Variants in RAB4A observed in about 807,000 individuals in gnomAD.
RAB4A encodes the protein RAB4A, member RAS oncogene family.
In RAB4A, 20 loss-of-function variants were observed where a neutral mutation model predicts 34.5. That is an observed-to-expected ratio of 0.58 (90% confidence interval 0.41 to 0.84). RAB4A has a LOEUF of 0.84. Among genes scored for constraint, RAB4A ranks in the 40% least tolerant of loss-of-function variants. The pLI is 0.00. For synonymous variants in RAB4A, 102 were observed against 100.0 expected (o/e 1.02, Z -0.12); for missense variants, 228 against 274.5 (o/e 0.83, Z 1.20).
intron 6 of RAB4A, among the ~76,000 whole-genome samples, chr1:229,300,397 A>T (rs1426933075): frequency 6.6e-6 from 1 of 152,254 alleles, no homozygotes; most frequent in East Asian, 1.9e-4. Flanking sequence ...AATCCTAGTA[A>T]GAGATGACTG....
chr1:229,297,581 GGATGCA>G lies in RAB4A; in HGVS notation c.394_399del (p.Ala132_Asp133del). On this transcript the variant is annotated inframe_deletion, in exon 5 of 8. Transcript: ENST00000366690. ...TCCTTTGTGGAAACAAGAAGGACCT[GGATGCA>G]GATCGTGAAGTTACCTTCTTAGAAG... is the stretch of plus-strand genomic sequence containing the variant. 6.2e-7 allele frequency: 1 copy of G among 1,612,444 alleles called. No homozygotes were observed. The highest frequency in any genetic ancestry group is 8.5e-7 in the Non-Finnish European group (1 of 1,179,766).
Position 229,304,886 on chromosome 1 carries a change from A to G in RAB4A, c.*1093A>G, listed in dbSNP as rs1004778599. 1.8e-5 allele frequency: 5 copies of G among 283,202 alleles called. No individual in the cohort carries two copies. The highest frequency in any genetic ancestry group is 3.2e-5 in the Non-Finnish European group (5 of 154,492). The allele number at this position is 283,202 out of a possible 1,614,324, so 17.5% of individuals were successfully genotyped here. A position where few individuals can be genotyped will look rare whatever the true frequency, so the allele number is the denominator to read the frequency against. ...TTGGGTATATTGAAGTATATATTGT[A>G]TTACAAAGACTTGTTCTTGTATTTT... On this transcript the variant is annotated 3_prime_UTR_variant, in exon 8 of 8. Coordinates refer to ENST00000366690, the MANE Select transcript of RAB4A (RefSeq NM_004578.4).
At chr1:229,300,045 T>A (rs1422498937) in intron 6 of RAB4A, among the ~76,000 whole-genome samples, 1 of 152,224 alleles carries the variant, frequency 6.6e-6, no homozygotes, top group Non-Finnish European at 1.5e-5. Context: ...ATCAAGGATC[T>A]AGAACTTTAT....
intron 1 of RAB4A, among the ~76,000 whole-genome samples, chr1:229,277,050 ATTAT>A (rs945239593): frequency 1.9e-4 from 28 of 146,650 alleles, no homozygotes; most frequent in Non-Finnish European, 3.1e-4. Context: ...TTTATATATA[ATTAT>A]TTATAATTTA....
At chr1:229,300,174 G>A (rs143605352) in intron 6 of RAB4A, among the ~76,000 whole-genome samples, 31 of 152,286 alleles carry the variant, frequency 2.0e-4, no homozygotes, top group African/African-American at 6.7e-4. Flanking sequence ...AAGTATGGTC[G>A]AGGCACCAGT....
At chr1:229,278,615 A>G (rs536420240) in intron 1 of RAB4A, among the ~76,000 whole-genome samples, 4 of 152,050 alleles carry the variant, frequency 2.6e-5, no homozygotes, top group Admixed American at 2.0e-4. Flanking sequence ...TTTGGACCCC[A>G]TCTCTAAAGC....
Position 229,298,880 on chromosome 1 carries a change from C to T in RAB4A, c.446-97C>T, listed in dbSNP as rs549537289. The T allele has an allele frequency of 3.6e-5, 29 of 812,566 alleles. 1 individual carries two copies. The highest frequency in any genetic ancestry group is 3.5e-4 in the South Asian group (23 of 65,210). 50.3% of individuals were successfully genotyped at this position (812,566 alleles called of 1,614,324 possible). On this transcript the variant is annotated intron_variant, in intron 5 of 7. Transcript: ENST00000366690. ...TGGTTTTAGGTCATAAATTATATTT[C>T]GTCTGCTTTTCTAAGAGAATGCTAC...
Position 229,303,009 on chromosome 1 carries a change from T to C in RAB4A, c.*12+20T>C. On this transcript the variant is annotated intron_variant, in intron 7 of 7. Transcript: ENST00000366690. ...ACACAGGTGGGTTTGGACACCTCCCTGCCCTGAGTTCCTGGCAAGCTCAAG... is the reference window on the plus strand; with the variant it reads ...ACACAGGTGGGTTTGGACACCTCCCCGCCCTGAGTTCCTGGCAAGCTCAAG... The C allele has an allele frequency of 6.5e-7, 1 of 1,540,614 alleles. No individual in the cohort carries two copies.
intron 3 of RAB4A, among the ~76,000 whole-genome samples, chr1:229,292,232 AAAAG>A (rs1228533923): frequency 2.0e-5 from 3 of 149,600 alleles, no homozygotes; most frequent in South Asian, 2.1e-4. Flanking sequence ...ATAAATAAAT[AAAAG>A]GAAAAAAAAA....
intron 1 of RAB4A, among the ~76,000 whole-genome samples, chr1:229,275,619 T>C (rs1656620023): frequency 7.5e-6 from 1 of 134,220 alleles, no homozygotes; most frequent in South Asian, 2.1e-4. Context: ...TTTTCCTTTT[T>C]TTTTTTTTTT....
chr1:229,289,969 T>C (rs1657025588), intron 3 of RAB4A, among the ~76,000 whole-genome samples: 1 of 152,284 alleles, frequency 6.6e-6, no homozygotes, highest in Non-Finnish European at 1.5e-5. Flanking sequence ...GAAATGTCTG[T>C]TAAGTAACTG....
At chr1:229,293,115 G>C (rs1657138078) in intron 3 of RAB4A, among the ~76,000 whole-genome samples, 1 of 152,196 alleles carries the variant, frequency 6.6e-6, no homozygotes, top group Non-Finnish European at 1.5e-5. Context: ...TGGTTTGTTA[G>C]ATAGGTGTCA....
Position 229,288,611 on chromosome 1 carries a change from G to A in RAB4A, c.113-118G>A, listed in dbSNP as rs1656984672. ...CAATGGAATGTTGGAGAAATGAATG[G>A]CTAGAGTAATGTCCATTCCCCATTG... is the stretch of plus-strand genomic sequence containing the variant. On this transcript the variant is annotated intron_variant, in intron 2 of 7. Coordinates refer to ENST00000366690, the MANE Select transcript of RAB4A (RefSeq NM_004578.4). The A allele has an allele frequency of 3.4e-5, 20 of 586,310 alleles. No individual in the cohort carries two copies. The South Asian group carries it at 4.7e-4, about 14-fold the overall frequency. The allele number at this position is 586,310 out of a possible 1,614,324, so 36.3% of individuals were successfully genotyped here. A position where few individuals can be genotyped will look rare whatever the true frequency, so the allele number is the denominator to read the frequency against.
intron 1 of RAB4A, among the ~76,000 whole-genome samples, chr1:229,274,677 C>G (rs932801185): frequency 1.3e-5 from 2 of 152,204 alleles, no homozygotes; most frequent in Admixed American, 1.3e-4. Context: ...CATCTGAGAC[C>G]TGGGAGATTA....
At chr1:229,275,941 A>T (rs930491138) in intron 1 of RAB4A, among the ~76,000 whole-genome samples, 1 of 151,150 alleles carries the variant, frequency 6.6e-6, no homozygotes, top group Non-Finnish European at 1.5e-5. Context: ...TAGCATTTCA[A>T]AGTCACCTGG....
At chr1:229,285,264 C>T (rs1420355361) in intron 1 of RAB4A, among the ~76,000 whole-genome samples, 1 of 152,174 alleles carries the variant, frequency 6.6e-6, no homozygotes, top group African/African-American at 2.4e-5. Flanking sequence ...CCCTCCTTAA[C>T]CTCCCAAAGT....
chr1:229,299,537 AGC>A (rs1657328956), intron 6 of RAB4A, among the ~76,000 whole-genome samples: 4 of 152,148 alleles, frequency 2.6e-5, no homozygotes, highest in African/African-American at 9.7e-5. Flanking sequence ...TTATTTCTGA[AGC>A]TTACTGAGCA....
At chr1:229,294,758 A>G (rs1339714414) in intron 3 of RAB4A, among the ~76,000 whole-genome samples, 3 of 152,152 alleles carry the variant, frequency 2.0e-5, no homozygotes, top group African/African-American at 7.2e-5. Flanking sequence ...TGAACCTGGG[A>G]GGCAGAGGTT....
intron 1 of RAB4A, among the ~76,000 whole-genome samples, chr1:229,283,445 G>A (rs1401623820): frequency 6.6e-6 from 1 of 152,210 alleles, no homozygotes; most frequent in East Asian, 1.9e-4. Context: ...TTGCTGTGGT[G>A]CTTGGCTAGA....
Sources: gnomAD v4.1 joint callset for allele counts (sites outside exome capture counted in the v4.1 genomes callset) on GRCh38, gnomAD v4.1.1 for gene constraint, MANE v1.5 for transcripts, NCBI Gene and HGNC (gene_info 2026-07-23, HGNC 2026-07-21) for gene names.